Variants in SECISBP2L observed in about 807,000 individuals in gnomAD.
SECISBP2L encodes the protein SECIS binding protein 2 like.
In SECISBP2L, 43 loss-of-function variants were observed where a neutral mutation model predicts 114.7. The ratio of observed to expected loss-of-function variants is 0.38; its 90% CI spans 0.29 to 0.48. The LOEUF (loss-of-function observed/expected upper bound fraction) is 0.48. SECISBP2L is among the 20% of genes least tolerant of loss of function. SECISBP2L has a pLI of 0.98. For synonymous variants in SECISBP2L, 451 were observed against 439.7 expected (o/e 1.03, Z -0.32); for missense variants, 1,136 against 1,301.1 (o/e 0.87, Z 1.95).
At chr15:49,037,296 AAAAAAAAG>A in intron 2 of SECISBP2L, 3 of 174,704 alleles carry the variant, frequency 1.7e-5, no homozygotes, top group East Asian at 1.6e-4. Flanking sequence ...AAAAAAAAAA[AAAAAAAAG>A]GTTTTTGTTC....
At chr15:48,999,167 G>A (rs1273041645) in intron 16 of SECISBP2L, among the ~76,000 whole-genome samples, 1 of 152,104 alleles carries the variant, frequency 6.6e-6, no homozygotes, top group Non-Finnish European at 1.5e-5. Flanking sequence ...ATGCAAACAT[G>A]GTGACTGGAT....
chr15:49,045,183 T>A (rs571229437), intron 1 of SECISBP2L, among the ~76,000 whole-genome samples: 13 of 151,524 alleles, frequency 8.6e-5, no homozygotes, highest in East Asian at 3.9e-4. Context: ...AAGCTTTTTT[T>A]TAAAAAAAAA....
rs753857708 is a variant in SECISBP2L, at chr15:49,016,959, A to C, written c.1308T>G (p.Ile436Met). Reference sequence around the variant, plus strand: ...TTGCACGTTTGGGAACTGAGGTGGTAATAGGAATTGGAGTCTGAACTATAT... The same window carrying C: ...TTGCACGTTTGGGAACTGAGGTGGTCATAGGAATTGGAGTCTGAACTATAT... ...PINIVQTPIP[I>M]TTSVPKRAKS... The change falls in exon 10 of 18, where the codon ATT becomes ATG. Residue 436 changes from isoleucine to methionine, a missense_variant. Around this residue, in one of 2 missense-constraint regions of SECISBP2L, gnomAD observed 684 missense variants for 848.7 expected, o/e 0.81. Coordinates refer to ENST00000559471, the MANE Select transcript of SECISBP2L (RefSeq NM_001193489.2). 2.5e-6 allele frequency: 4 copies of C among 1,614,036 alleles called. No homozygotes were observed. The highest frequency in any genetic ancestry group is 3.4e-6 in the Non-Finnish European group (4 of 1,179,936).
intron 13 of SECISBP2L, among the ~76,000 whole-genome samples, chr15:49,010,168 T>C (rs929185720): frequency 3.3e-5 from 2 of 60,850 alleles, no homozygotes; most frequent in East Asian, 7.0e-4. Flanking sequence ...TCTTGCCAGA[T>C]CACATTACTC....
rs1901965993 is a variant in SECISBP2L at position 48,990,982 on chromosome 15, T to G, written c.*1262A>C. The G allele has an allele frequency of 6.6e-6, 1 of 152,156 alleles. No homozygotes were observed. The allele number at this position is 152,156 out of a possible 1,614,324, so 9.4% of individuals were successfully genotyped here. On this transcript the variant is annotated 3_prime_UTR_variant, in exon 18 of 18. Transcript: ENST00000559471. Reference sequence around the variant, plus strand: ...GTCCAGGTGGTGACTGACTAGCAAATAAAACATTTAGCTCATTTATTGTCT... The same window carrying G: ...GTCCAGGTGGTGACTGACTAGCAAAGAAAACATTTAGCTCATTTATTGTCT...
intron 14 of SECISBP2L, among the ~76,000 whole-genome samples, chr15:49,002,629 A>G (rs1359173742): frequency 6.6e-6 from 1 of 152,178 alleles, no homozygotes; most frequent in Non-Finnish European, 1.5e-5. Context: ...TAATTTTTGT[A>G]TAAGGTGTAA....
intron 14 of SECISBP2L, among the ~76,000 whole-genome samples, chr15:49,003,254 T>G (rs757211744): frequency 4.6e-5 from 7 of 151,938 alleles, no homozygotes; most frequent in Non-Finnish European, 7.4e-5. Flanking sequence ...ATTATTGGTG[T>G]GTAGGAATGC....
chr15:49,021,951 AAT>A (rs1260652591), intron 7 of SECISBP2L, among the ~76,000 whole-genome samples: 1 of 152,202 alleles, frequency 6.6e-6, no homozygotes, highest in Non-Finnish European at 1.5e-5. Context: ...TACGGCTTTG[AAT>A]ATATATTAAG....
At position 49,028,508 on chromosome 15, in the gene SECISBP2L, C is replaced by T; in HGVS notation, c.839G>A (p.Ser280Asn). The T allele has an allele frequency of 6.2e-7, 1 of 1,614,124 alleles. No individual in the cohort carries two copies. Residue 280 changes from serine (S) to asparagine (N), a missense_variant, in exon 5 of 18, where the codon AGC (serine) becomes AAC (asparagine). By Grantham distance (46) the Ser-to-Asn change is conservative (BLOSUM62 1). Around this residue, in one of 2 missense-constraint regions of SECISBP2L, gnomAD observed 452 missense variants for 452.3 expected, o/e 1.00. Coordinates refer to ENST00000559471, the MANE Select transcript of SECISBP2L (RefSeq NM_001193489.2). ...SDSGYCSPKHSNNQPAAGALR... is the reference protein window; with the variant it reads ...SDSGYCSPKHNNNQPAAGALR... ...AGCCCCTGCTGCAGGCTGGTTGTTG[C>T]TGTGTTTGGGACTGCAGTAACCACT...
intron 14 of SECISBP2L, among the ~76,000 whole-genome samples, chr15:49,005,330 A>C (rs367622710): frequency 2.4e-5 from 1 of 41,794 alleles, no homozygotes; most frequent in South Asian, 7.4e-4. Context: ...ACTCCATCTC[A>C]AAAAAAAAGT....
In SECISBP2L at chr15:48,989,256, T is replaced by C. The variant is rs1236831676; in HGVS notation, c.*2988A>G. ...AGTTGAAAATGAGTGTAGCATTCAC[T>C]ACTCATTTGCACATTTCAATTCCCA... is the stretch of plus-strand genomic sequence containing the variant. On this transcript the variant is annotated 3_prime_UTR_variant, in exon 18 of 18. Coordinates refer to ENST00000559471, the MANE Select transcript of SECISBP2L (RefSeq NM_001193489.2). 2 of 152,488 alleles carry C rather than the reference T, an allele frequency of 1.3e-5. No homozygotes were observed. Among genetic ancestry groups the C allele is most frequent in the East Asian group, 1.9e-4 (1 of 5,200 alleles). The allele number at this position is 152,488 out of a possible 1,614,324, so 9.4% of individuals were successfully genotyped here. A position where few individuals can be genotyped will look rare whatever the true frequency, so the allele number is the denominator to read the frequency against.
Position 49,001,106 on chromosome 15 carries a change from A to G in SECISBP2L, c.2028-9T>C, listed in dbSNP as rs1902198081. ...GAACCTGATTACAATACCTGTAAAAAAAAACCAAAATGGGTAACTCCATCC... is the reference window on the plus strand; with the variant it reads ...GAACCTGATTACAATACCTGTAAAAGAAAACCAAAATGGGTAACTCCATCC... On this transcript the variant is annotated splice_polypyrimidine_tract_variant and intron_variant, in intron 14 of 17. Transcript: ENST00000559471. 5.7e-6 allele frequency: 9 copies of G among 1,578,092 alleles called. No homozygotes were observed. Among genetic ancestry groups the G allele is most frequent in the Non-Finnish European group, 7.7e-6 (9 of 1,164,422 alleles).
chr15:49,000,240 GCAAT>G (rs1264524395), intron 15 of SECISBP2L, among the ~76,000 whole-genome samples: 5 of 152,072 alleles, frequency 3.3e-5, no homozygotes, highest in Non-Finnish European at 7.4e-5. Context: ...TAGCATAGCA[GCAAT>G]CAAACTGCAA....
chr15:49,046,333 G>T lies in SECISBP2L; in HGVS notation c.-34C>A, dbSNP rs1027053120. 1 of 1,505,922 alleles carries T rather than the reference G, an allele frequency of 6.6e-7. No homozygotes were observed. Among genetic ancestry groups the T allele is most frequent in the Non-Finnish European group, 8.9e-7 (1 of 1,124,294 alleles). 93.3% of individuals were successfully genotyped at this position (1,505,922 alleles called of 1,614,324 possible). ...CAGCCGCAACGGGCCCGCGCTAGTC[G>T]GTGTAAACAGCGCCTCGGGCCGCTT... On this transcript the variant is annotated 5_prime_UTR_variant, in exon 1 of 18. Transcript: ENST00000559471.
rs533438982 is a variant in SECISBP2L, at chr15:49,028,283, T to C, written c.895-115A>G. 468 of 990,468 alleles carry C rather than the reference T, an allele frequency of 4.7e-4. 3 individuals carry two copies. In the African/African-American group the frequency reaches 7.2e-3, roughly 15 times the overall value. 61.4% of individuals were successfully genotyped at this position (990,468 alleles called of 1,614,324 possible). A position where few individuals can be genotyped will look rare whatever the true frequency, so the allele number is the denominator to read the frequency against. On this transcript the variant is annotated intron_variant, in intron 5 of 17. Transcript: ENST00000559471. Reference sequence around the variant, plus strand: ...AAGCATGCATATCACAATATTATCATACTTCTTCATAAATGAATATTTTTA... The same window carrying C: ...AAGCATGCATATCACAATATTATCACACTTCTTCATAAATGAATATTTTTA...
rs755604545 is a variant in SECISBP2L, at chr15:49,017,027, A to G, written c.1252-12T>C. The G allele has an allele frequency of 2.5e-6, 4 of 1,606,836 alleles. No homozygotes were observed. The highest frequency in any genetic ancestry group is 4.5e-5 in the East Asian group (2 of 44,788). On this transcript the variant is annotated splice_polypyrimidine_tract_variant and intron_variant, in intron 9 of 17. Coordinates refer to ENST00000559471, the MANE Select transcript of SECISBP2L (RefSeq NM_001193489.2). ...GGTAAATCATCCAACTATGATAACC[A>G]GAAAAAACACATTTGTTAGTGATCC...
intron 17 of SECISBP2L, among the ~76,000 whole-genome samples, 174 bp from the exon 18 acceptor site, chr15:48,993,100 A>AGAGAGTGCGT (rs772299775): frequency 5.8e-5 from 8 of 139,130 alleles, no homozygotes; most frequent in African/African-American, 2.3e-4. Flanking sequence ...ACAGAGAGAG[A>AGAGAGTGCGT]GTGTGTGTGT....
chr15:49,017,772 T>C, intron 8 of SECISBP2L, 144 bp from the exon 9 acceptor site: 1 of 544,410 alleles, frequency 1.8e-6, no homozygotes, highest in Non-Finnish European at 3.1e-6. Flanking sequence ...AGAGGAAATG[T>C]CATTTCTCAC....
chr15:49,043,243 T>C (rs1249128072), intron 1 of SECISBP2L, among the ~76,000 whole-genome samples: 1 of 152,162 alleles, frequency 6.6e-6, no homozygotes, highest in Non-Finnish European at 1.5e-5. Flanking sequence ...AGTACTGACA[T>C]TACTTAAAGT....
Sources: allele counts gnomAD v4.1 joint callset (sites outside exome capture counted in the v4.1 genomes callset), GRCh38; gene constraint gnomAD v4.1.1; regional missense constraint gnomAD v4.1.1; transcripts MANE v1.5; gene names NCBI Gene and HGNC (gene_info 2026-07-23, HGNC 2026-07-21).